Variants in ITGA8 observed in about 807,000 individuals in gnomAD.
The protein encoded by ITGA8 is integrin subunit alpha 8.
A neutral mutation model predicts 142.3 loss-of-function variants in ITGA8; 91 were observed. That is an observed-to-expected ratio of 0.64 (90% CI 0.54 to 0.76). The LOEUF (loss-of-function observed/expected upper bound fraction) is 0.76. Among genes scored for constraint, ITGA8 ranks in the 30% least tolerant of loss-of-function variants. The probability of loss-of-function intolerance (pLI) is 0.00; values close to 1 mark genes in which losing one functional copy is unlikely to be tolerated. For synonymous variants in ITGA8, 505 were observed against 485.2 expected (o/e 1.04, Z -0.54); for missense variants, 1,406 against 1,327.7 (o/e 1.06, Z -0.92).
chr10:15,521,115 T>A (rs1833059339), intron 28 of ITGA8, among the ~76,000 whole-genome samples: 1 of 152,168 alleles, frequency 6.6e-6, no homozygotes, highest in African/African-American at 2.4e-5. Context: ...ACCTCCCAGG[T>A]TCAAGCAATT....
chr10:15,586,212 C>A (rs575378128), intron 23 of ITGA8, among the ~76,000 whole-genome samples: 276 of 151,958 alleles, frequency 1.8e-3, no homozygotes, highest in Middle Eastern at 6.8e-3. Flanking sequence ...GTACCCACAA[C>A]CACGCCTGGC....
At chr10:15,517,732 G>T (rs1832989561) in intron 29 of ITGA8, among the ~76,000 whole-genome samples, 1 of 152,366 alleles carries the variant, frequency 6.6e-6, no homozygotes, top group African/African-American at 2.4e-5. Flanking sequence ...GGAGTTTATT[G>T]CATAGGCAAG....
chr10:15,604,388 A>T (rs1219402988), intron 19 of ITGA8, 33 bp from the exon 20 acceptor site: 1 of 1,543,274 alleles, frequency 6.5e-7, no homozygotes, highest in Non-Finnish European at 8.8e-7. Flanking sequence ...AGGATTAGGT[A>T]CTCTACTTCT....
chr10:15,527,187 G>C (rs1833191480), intron 28 of ITGA8, among the ~76,000 whole-genome samples: 1 of 152,154 alleles, frequency 6.6e-6, no homozygotes, highest in African/African-American at 2.4e-5. Flanking sequence ...CATTTAAACA[G>C]TTTCCTTATG....
intron 13 of ITGA8, among the ~76,000 whole-genome samples, chr10:15,618,112 T>G (rs758824066): frequency 6.6e-6 from 1 of 152,144 alleles, no homozygotes; most frequent in Admixed American, 6.5e-5. Context: ...GGTTGAAGAA[T>G]TACTCACGGA....
intron 10 of ITGA8, among the ~76,000 whole-genome samples, chr10:15,655,999 G>A (rs536368323): frequency 2.0e-5 from 3 of 152,204 alleles, no homozygotes; most frequent in African/African-American, 7.2e-5. Context: ...TGGGAGGATC[G>A]CCTGAGCCTG....
intron 13 of ITGA8, among the ~76,000 whole-genome samples, chr10:15,628,628 G>T (rs117096411): frequency 2.0e-5 from 3 of 151,500 alleles, no homozygotes; most frequent in African/African-American, 4.9e-5. Context: ...CACCGCGCCC[G>T]GCCAGATTCA....
chr10:15,718,873 T>A lies in ITGA8; in HGVS notation c.236A>T (p.Lys79Ile), dbSNP rs1232586509. The A allele has an allele frequency of 6.2e-7, 1 of 1,613,946 alleles. No homozygotes were observed. Among genetic ancestry groups the A allele is most frequent in the Non-Finnish European group, 8.5e-7 (1 of 1,179,986 alleles). Residue 79 changes from lysine (K) to isoleucine (I), a missense_variant, in exon 2 of 30, where the codon AAA (lysine) becomes ATA (isoleucine). Lys to Ile is a moderately radical substitution (Grantham distance 102, BLOSUM62 -3). Coordinates refer to ENST00000378076, the MANE Select transcript of ITGA8 (RefSeq NM_003638.3). ...GATATCGGGCTGGCTGGTGTTGGCTTTGGGCGCCCCCACCAAGACACTCGC... is the reference window on the plus strand; with the variant it reads ...GATATCGGGCTGGCTGGTGTTGGCTATGGGCGCCCCCACCAAGACACTCGC... ...RTASVLVGAP[K>I]ANTSQPDIVE...
At chr10:15,703,511 T>C (rs754350306) in intron 2 of ITGA8, among the ~76,000 whole-genome samples, 3 of 152,210 alleles carry the variant, frequency 2.0e-5, no homozygotes, top group Non-Finnish European at 4.4e-5. Flanking sequence ...GCAAGGGAAA[T>C]TGGGAGTTGA....
chr10:15,580,874 A>G (rs1834394886), intron 23 of ITGA8, among the ~76,000 whole-genome samples: 1 of 152,196 alleles, frequency 6.6e-6, no homozygotes. Flanking sequence ...CAAGGCAAGG[A>G]TGTCTCTTTT....
rs986861142 is a variant in ITGA8, at chr10:15,607,807, T to C, written c.1634A>G (p.Asp545Gly). Residue 545 changes from aspartate to glycine, a missense_variant, in exon 17 of 30, where the codon GAT becomes GGT. By Grantham distance (94) the Asp-to-Gly change is moderately conservative. Transcript: ENST00000378076. Reference protein sequence around the residue: ...TIVLMAEVQLDSLKQKGAIKR... With the variant: ...TIVLMAEVQLGSLKQKGAIKR... ...AATAGCTCCTTTCTGTTTCAGGGAA[T>C]CTAATTGCACCTCTGCCATCAAGAC... The C allele has an allele frequency of 5.6e-6, 9 of 1,611,368 alleles. No homozygotes were observed. The highest frequency in any genetic ancestry group is 5.9e-6 in the Non-Finnish European group (7 of 1,178,856).
intron 13 of ITGA8, among the ~76,000 whole-genome samples, chr10:15,635,501 A>C (rs535448234): frequency 1.3e-4 from 20 of 152,250 alleles, no homozygotes; most frequent in African/African-American, 4.6e-4. Context: ...GAATTACTAA[A>C]ATCACACGTG....
At chr10:15,645,956 C>T (rs537410446) in intron 12 of ITGA8, among the ~76,000 whole-genome samples, 21 of 152,148 alleles carry the variant, frequency 1.4e-4, no homozygotes, top group Non-Finnish European at 2.6e-4. Flanking sequence ...GTGAAGCCTA[C>T]GTGCCAATTA....
chr10:15,581,383 G>T (rs746502674), intron 23 of ITGA8, among the ~76,000 whole-genome samples: 1 of 152,216 alleles, frequency 6.6e-6, no homozygotes, highest in Admixed American at 6.5e-5. Flanking sequence ...TGGAAACCCT[G>T]TGTTTGGTCC....
At chr10:15,662,361 G>C (rs1159878235) in intron 8 of ITGA8, among the ~76,000 whole-genome samples, 1 of 102,440 alleles carries the variant, frequency 9.8e-6, no homozygotes, top group Admixed American at 1.2e-4. Context: ...TTTTAAACAG[G>C]GTCTTATTCT....
chr10:15,662,131 A>C (rs749799509), intron 8 of ITGA8, among the ~76,000 whole-genome samples: 5 of 152,120 alleles, frequency 3.3e-5, no homozygotes, highest in Non-Finnish European at 5.9e-5. Context: ...TCATGTGACC[A>C]CAACTCTAAG....
chr10:15,625,389 G>A lies in ITGA8; in HGVS notation c.1400-8830C>T, dbSNP rs149942481. On this transcript the variant is annotated intron_variant, in intron 13 of 29. Coordinates refer to ENST00000378076, the MANE Select transcript of ITGA8 (RefSeq NM_003638.3). ...TAAACTTGTTGTATTTCGTGTCACC[G>A]TATCAAAGGCATTTAACTTTATCCT... Among the ~76,000 whole-genome samples, 6 of 152,304 alleles carry A rather than the reference G, an allele frequency of 3.9e-5. No homozygotes were observed. The East Asian group carries it at 5.8e-4, about 15-fold the overall frequency.
chr10:15,545,333 T>TAAGG (rs1362909516), intron 27 of ITGA8, among the ~76,000 whole-genome samples: 7 of 152,212 alleles, frequency 4.6e-5, no homozygotes, highest in African/African-American at 1.7e-4. Flanking sequence ...TCCAGACTCA[T>TAAGG]ACCTTGTTCC....
At chr10:15,565,786 T>C (rs1834068325) in intron 25 of ITGA8, among the ~76,000 whole-genome samples, 1 of 151,744 alleles carries the variant, frequency 6.6e-6, no homozygotes, top group Non-Finnish European at 1.5e-5. Context: ...GATGGGGTTT[T>C]GCCATGGTTG....
Sources: gnomAD v4.1 joint callset for allele counts (sites outside exome capture counted in the v4.1 genomes callset) on GRCh38, gnomAD v4.1.1 for gene constraint, MANE v1.5 for transcripts, NCBI Gene and HGNC (gene_info 2026-07-23, HGNC 2026-07-21) for gene names.